Variants in PTPRN2 observed in about 807,000 individuals in gnomAD.
The protein encoded by PTPRN2 is receptor-type tyrosine-protein phosphatase N2.
PTPRN2 carries 74 observed loss-of-function variants against 118.8 expected under a neutral mutation model. The ratio of observed to expected loss-of-function variants is 0.62; its 90% CI spans 0.52 to 0.76. PTPRN2 has a LOEUF of 0.76. Among genes scored for constraint, PTPRN2 ranks in the 30% least tolerant of loss-of-function variants. The pLI, the probability that PTPRN2 is intolerant of heterozygous loss-of-function variation, is 0.00. For missense variants in PTPRN2, 1,481 were observed against 1,394.4 expected, an observed-to-expected ratio of 1.06 and a Z score of -0.99; for synonymous variants, 641 against 608.0, an observed-to-expected ratio of 1.05 and a Z score of -0.80.
Position 158,498,644 on chromosome 7 carries a change from C to T in PTPRN2, c.113-8859G>A, listed in dbSNP as rs745487111. Among the ~76,000 whole-genome samples, 4 of 152,134 alleles carry T rather than the reference C, an allele frequency of 2.6e-5. No individual in the cohort carries two copies. The East Asian group carries it at 5.8e-4, about 22-fold the overall frequency. On this transcript the variant is annotated intron_variant, in intron 1 of 22. Coordinates refer to ENST00000389418, the MANE Select transcript of PTPRN2 (RefSeq NM_002847.5). ...GAAGGATGTTTGCTGAGTCATTCTT[C>T]GGGACTAAGAAAACATTTCTAACCT... is the stretch of plus-strand genomic sequence containing the variant.
At chr7:158,482,697 C>A (rs1222003736) in intron 2 of PTPRN2, among the ~76,000 whole-genome samples, 2 of 152,134 alleles carry the variant, frequency 1.3e-5, no homozygotes, top group African/African-American at 4.8e-5. Flanking sequence ...TGGAATTGAA[C>A]CCACAATATC....
At chr7:158,312,984 G>A (rs1251148367) in intron 3 of PTPRN2, among the ~76,000 whole-genome samples, 10 of 148,902 alleles carry the variant, frequency 6.7e-5, no homozygotes, top group South Asian at 2.1e-4. Context: ...ATGTGAGCAT[G>A]TGTGTGTGCA....
At position 158,509,278 on chromosome 7, in the gene PTPRN2, G is replaced by A. The variant is rs111878104; in HGVS notation, c.113-19493C>T. Among the ~76,000 whole-genome samples the A allele has an allele frequency of 7.4e-4, 112 of 152,318 alleles. 1 individual carries two copies. Among genetic ancestry groups the A allele is most frequent in the African/African-American group, 2.2e-3 (92 of 41,568 alleles). On this transcript the variant is annotated intron_variant, in intron 1 of 22. Coordinates refer to ENST00000389418, the MANE Select transcript of PTPRN2 (RefSeq NM_002847.5). This position sits in a 1 kb window ranked among gnomAD's most constrained non-coding sequence, Gnocchi z 4.4. Reference sequence around the variant, plus strand: ...ATCCACTTCCTTTCCTTGCCGGCCCGTCAGTCACAGCATCGGAAGAATGAA... The same window carrying A: ...ATCCACTTCCTTTCCTTGCCGGCCCATCAGTCACAGCATCGGAAGAATGAA...
At chr7:158,062,728 G>A (rs1018024592) in intron 11 of PTPRN2, among the ~76,000 whole-genome samples, 5 of 152,192 alleles carry the variant, frequency 3.3e-5, no homozygotes, top group African/African-American at 4.8e-5. Flanking sequence ...CAGCAGCTGC[G>A]GAGGGTGTGC....
chr7:158,352,329 T>TC (rs1446792060), intron 2 of PTPRN2, among the ~76,000 whole-genome samples: 2 of 4,828 alleles, frequency 4.1e-4, no homozygotes, highest in Admixed American at 2.8e-3. Flanking sequence ...CCAGCTACCC[T>TC]CCTGACCGCT....
intron 6 of PTPRN2, among the ~76,000 whole-genome samples, chr7:158,149,497 C>G (rs572988491): frequency 6.8e-4 from 103 of 151,664 alleles, no homozygotes; most frequent in African/African-American, 2.2e-3. Flanking sequence ...CCAATTAACT[C>G]ACTGATTTTT....
At chr7:157,717,842 T>C (rs1218296997) in intron 12 of PTPRN2, among the ~76,000 whole-genome samples, 1 of 152,286 alleles carries the variant, frequency 6.6e-6, no homozygotes, top group Non-Finnish European at 1.5e-5. Context: ...CCAAAGCAGC[T>C]GGGCTCTTTA....
intron 13 of PTPRN2, 149 bp from the exon 14 acceptor site, chr7:157,656,700 G>C (rs868827048): frequency 2.0e-5 from 16 of 818,438 alleles, no homozygotes; most frequent in African/African-American, 1.9e-4. Flanking sequence ...GCAGGCCAGC[G>C]CAACATGACG....
Position 158,376,661 on chromosome 7 carries a change from G to A in PTPRN2, c.164-59729C>T, listed in dbSNP as rs190078450. ...CAGCCCTGTCACACGTCCTGCATGC[G>A]GGGTCAGGGGACTCCCCCACAGCCC... On this transcript the variant is annotated intron_variant, in intron 2 of 22. Transcript: ENST00000389418. Among the ~76,000 whole-genome samples, 603 of 117,968 alleles carry A rather than the reference G, an allele frequency of 5.1e-3. 18 individuals carry two copies. The highest frequency in any genetic ancestry group is 0.02 in the African/African-American group (550 of 28,194). 77.4% of individuals were successfully genotyped at this position (117,968 alleles called of 152,430 possible).
chr7:158,379,999 G>C (rs1314042728), intron 2 of PTPRN2, among the ~76,000 whole-genome samples: 1 of 152,102 alleles, frequency 6.6e-6, no homozygotes, highest in Admixed American at 6.6e-5. Flanking sequence ...TCACTATCAG[G>C]AGAACAGCAA....
At chr7:157,886,551 G>T (rs1452942619) in intron 12 of PTPRN2, among the ~76,000 whole-genome samples, 1 of 152,220 alleles carries the variant, frequency 6.6e-6, no homozygotes, top group Non-Finnish European at 1.5e-5. Context: ...GAAGGCATCC[G>T]TGAGCCAGCG....
intron 12 of PTPRN2, among the ~76,000 whole-genome samples, chr7:157,750,818 C>T (rs999279646): frequency 4.6e-5 from 7 of 152,332 alleles, no homozygotes; most frequent in African/African-American, 1.7e-4. Context: ...GTGTAAAGCC[C>T]GCCTGAGATG....
At chr7:158,502,272 T>C (rs1341881046) in intron 1 of PTPRN2, among the ~76,000 whole-genome samples, 1 of 152,236 alleles carries the variant, frequency 6.6e-6, no homozygotes, top group Non-Finnish European at 1.5e-5. Context: ...TTTTGTCCTA[T>C]AATAATTCAA....
At chr7:157,675,701 C>T (rs144462704) in intron 13 of PTPRN2, among the ~76,000 whole-genome samples, 1 of 152,292 alleles carries the variant, frequency 6.6e-6, no homozygotes, top group East Asian at 1.9e-4. Flanking sequence ...CGGGCACTGA[C>T]AGTCGCTGCA....
intron 12 of PTPRN2, among the ~76,000 whole-genome samples, chr7:157,730,850 G>A (rs1411401153): frequency 6.6e-6 from 1 of 152,146 alleles, no homozygotes; most frequent in African/African-American, 2.4e-5. Context: ...TGACCTCGGC[G>A]TGGCTCCCGC....
intron 3 of PTPRN2, among the ~76,000 whole-genome samples, chr7:158,274,959 C>G (rs1194974458): frequency 1.3e-5 from 2 of 152,224 alleles, no homozygotes; most frequent in African/African-American, 4.8e-5. Context: ...TTCAAATCCA[C>G]CACAGATCAA....
intron 3 of PTPRN2, among the ~76,000 whole-genome samples, chr7:158,217,259 G>C (rs1007445277): frequency 2.6e-5 from 4 of 152,130 alleles, no homozygotes; most frequent in African/African-American, 9.7e-5. Flanking sequence ...CAGTGAAGCT[G>C]GTACTAAAGC....
intron 19 of PTPRN2, among the ~76,000 whole-genome samples, chr7:157,576,372 C>T (rs1304084953): frequency 6.6e-6 from 1 of 152,220 alleles, no homozygotes; most frequent in Non-Finnish European, 1.5e-5. Context: ...GCCCTATTTC[C>T]ACAGTTCGAA....
At chr7:158,521,917 C>T (rs1312079894) in intron 1 of PTPRN2, among the ~76,000 whole-genome samples, 40 of 86,952 alleles carry the variant, frequency 4.6e-4, no homozygotes, top group Admixed American at 1.0e-3. Context: ...GGGAGGTCCA[C>T]GTCACAATGG....
Sources: allele counts gnomAD v4.1 joint callset (sites outside exome capture counted in the v4.1 genomes callset), GRCh38; gene constraint gnomAD v4.1.1; non-coding constraint Gnocchi (gnomAD v3.1); transcripts MANE v1.5; gene names NCBI Gene and HGNC (gene_info 2026-07-23, HGNC 2026-07-21).